MCF2L: variants seen among roughly 807,000 people sequenced by gnomAD.
MCF2L encodes MCF.2 cell line derived transforming sequence like.
A neutral mutation model predicts 153.4 loss-of-function variants in MCF2L; 97 were observed. The ratio of observed to expected loss-of-function variants is 0.63; its 90% CI spans 0.54 to 0.75. The LOEUF is 0.75. Ranked by LOEUF, MCF2L falls within the 30% of genes least tolerant of loss-of-function variation. The pLI, the probability that MCF2L is intolerant of heterozygous loss-of-function variation, is 0.00. For synonymous variants in MCF2L, 659 were observed against 632.2 expected (o/e 1.04, Z -0.64); for missense variants, 1,347 against 1,495.2 (o/e 0.90, Z 1.64).
intron 2 of MCF2L, among the ~76,000 whole-genome samples, chr13:112,916,406 C>T (rs142612275): frequency 6.6e-6 from 1 of 152,156 alleles, no homozygotes; most frequent in African/African-American, 2.4e-5. Flanking sequence ...TTTAGAAAAT[C>T]TTCTGAGCTC....
intron 4 of MCF2L, chr13:113,047,423 A>G (rs1304702677): frequency 6.6e-6 from 1 of 152,240 alleles, no homozygotes; most frequent in Admixed American, 6.5e-5. Flanking sequence ...ATTAAATCAT[A>G]AGAACCCACG....
chr13:112,968,613 G>A, upstream of MCF2L: 1 of 1,530,536 alleles, frequency 6.5e-7, no homozygotes. Flanking sequence ...CCACGGACCT[G>A]CTTACCTGGG....
rs375866362 is a variant in MCF2L at position 113,074,674 on chromosome 13, C to T, written c.1116+111C>T. 55 of 1,473,036 alleles carry T rather than the reference C, an allele frequency of 3.7e-5. No homozygotes were observed. In the South Asian group the frequency reaches 7.0e-4, roughly 19 times the overall value. 91.2% of individuals were successfully genotyped at this position (1,473,036 alleles called of 1,614,324 possible). A position where few individuals can be genotyped will look rare whatever the true frequency, so the allele number is the denominator to read the frequency against. The stretch of plus-strand genomic sequence containing the variant: ...CGCCTACGGAGAACGGACCCCACAG[C>T]CCCCCGGGGATGTCCATGGGGTGGG... On this transcript the variant is annotated intron_variant, in intron 10 of 29. Transcript: ENST00000535094. This position sits in a 1 kb window ranked among gnomAD's most constrained non-coding sequence, Gnocchi z 4.2.
chr13:113,095,975 G>A, intron 27 of MCF2L: 1 of 390,922 alleles, frequency 2.6e-6, no homozygotes, highest in Non-Finnish European at 4.3e-6. Context: ...CAGCTGCAGG[G>A]AGAGGGAGGG....
At chr13:113,085,685 G>A (rs1253971233) in intron 20 of MCF2L, among the ~76,000 whole-genome samples, 1 of 144,900 alleles carries the variant, frequency 6.9e-6, no homozygotes, top group Non-Finnish European at 1.5e-5. Context: ...CGGGGAGCAG[G>A]TGCGAGGGGT....
At chr13:113,089,897 G>C (rs1595017735) in intron 26 of MCF2L, 169 bp downstream of exon 26, 3 of 1,606,450 alleles carry the variant, frequency 1.9e-6, no homozygotes, top group Admixed American at 1.7e-5. Flanking sequence ...CCACAGAAGA[G>C]CCCCTCCCTC....
Position 113,027,848 on chromosome 13 carries a change from G to A in MCF2L, c.278+3090G>A, listed in dbSNP as rs149755098. Reference sequence around the variant, plus strand: ...GCCCGAAGGCTCAGACCACATGGCCGTACCCCGAGGACGTAGGCTCCAGGT... The same window carrying A: ...GCCCGAAGGCTCAGACCACATGGCCATACCCCGAGGACGTAGGCTCCAGGT... On this transcript the variant is annotated intron_variant, in intron 3 of 29. Transcript: ENST00000535094. The surrounding 1 kb of genome is among the most constrained non-coding windows in gnomAD (Gnocchi z 4.8). Among the ~76,000 whole-genome samples the A allele has an allele frequency of 6.9e-4, 105 of 152,362 alleles. No individual in the cohort carries two copies. In the East Asian group the frequency reaches 0.015, roughly 22 times the overall value.
In MCF2L at chr13:112,994,660, G is replaced by A. The variant is rs144742157; in HGVS notation, c.80-20103G>A. Among the ~76,000 whole-genome samples, 798 of 152,362 alleles carry A rather than the reference G, an allele frequency of 5.2e-3. 1 individual carries two copies. Among genetic ancestry groups the A allele is most frequent in the Non-Finnish European group, 8.0e-3 (545 of 68,032 alleles). ...GCCGGGAAGCCTGCGGTGAGGCCGC[G>A]CGATGTCCTTCATCCCGGGCAGTAA... On this transcript the variant is annotated intron_variant, in intron 1 of 29. Coordinates refer to ENST00000535094, the MANE Select transcript of MCF2L (RefSeq NM_001112732.3).
chr13:112,981,641 C>T (rs2082430561), intron 1 of MCF2L, among the ~76,000 whole-genome samples: 1 of 152,238 alleles, frequency 6.6e-6, no homozygotes, highest in Non-Finnish European at 1.5e-5. Context: ...GGCCTGCGAG[C>T]CTGAGACCGG....
intron 2 of MCF2L, among the ~76,000 whole-genome samples, chr13:113,023,222 G>A (rs1363770198): frequency 6.6e-6 from 1 of 152,244 alleles, no homozygotes; most frequent in South Asian, 2.1e-4. Flanking sequence ...AGGTTAGGAA[G>A]GAGCGAGGGA....
At chr13:112,948,700 C>G (rs1430895510) in intron 2 of MCF2L, among the ~76,000 whole-genome samples, 1 of 152,176 alleles carries the variant, frequency 6.6e-6, no homozygotes, top group African/African-American at 2.4e-5. Flanking sequence ...GTCTACCTCT[C>G]TAGAAAATGA....
intron 4 of MCF2L, among the ~76,000 whole-genome samples, chr13:113,056,501 G>A (rs1178683685): frequency 2.7e-5 from 4 of 146,580 alleles, no homozygotes; most frequent in Admixed American, 1.4e-4. Flanking sequence ...TGAGTGTTTC[G>A]GCGCTGAGTG....
Position 113,089,530 on chromosome 13 carries a change from A to G in MCF2L, c.2835-80A>G, listed in dbSNP as rs2034992758. ...AGGCCGGGAGCTCAGAGATATCTGAATGCCTCAGGTCCTCAGGGCGTTCTG... is the reference window on the plus strand; with the variant it reads ...AGGCCGGGAGCTCAGAGATATCTGAGTGCCTCAGGTCCTCAGGGCGTTCTG... On this transcript the variant is annotated intron_variant, in intron 25 of 29. Transcript: ENST00000535094. 1.8e-5 allele frequency: 16 copies of G among 878,484 alleles called. No homozygotes were observed. In the South Asian group the frequency reaches 2.3e-4, roughly 13 times the overall value. 54.4% of individuals were successfully genotyped at this position (878,484 alleles called of 1,614,324 possible).
intron 2 of MCF2L, among the ~76,000 whole-genome samples, chr13:112,950,759 A>G (rs915664341): frequency 9.2e-5 from 14 of 152,370 alleles, no homozygotes; most frequent in Admixed American, 2.6e-4. Context: ...TTAAACATGA[A>G]ATATAAAACT....
At position 113,054,095 on chromosome 13, in the gene MCF2L, G is replaced by A. The variant is rs113941635; in HGVS notation, c.370-6498G>A. On this transcript the variant is annotated intron_variant, in intron 4 of 29. Coordinates refer to ENST00000535094, the MANE Select transcript of MCF2L (RefSeq NM_001112732.3). This position sits in a 1 kb window ranked among gnomAD's most constrained non-coding sequence, Gnocchi z 5.2. Reference sequence around the variant, plus strand: ...GCGGGGTGAGTGTGGGAGAGACGGCGAGCTCCCTCCCATCAATCAATCAAC... The same window carrying A: ...GCGGGGTGAGTGTGGGAGAGACGGCAAGCTCCCTCCCATCAATCAATCAAC... 1.1e-3 allele frequency among the ~76,000 whole-genome samples: 168 copies of A among 152,162 alleles called. No homozygotes were observed. Among genetic ancestry groups the A allele is most frequent in the African/African-American group, 3.4e-3 (142 of 41,492 alleles).
At chr13:112,921,491 C>G (rs181227862) in intron 2 of MCF2L, among the ~76,000 whole-genome samples, 1 of 152,290 alleles carries the variant, frequency 6.6e-6, no homozygotes, top group Non-Finnish European at 1.5e-5. Flanking sequence ...AGGAACCAAA[C>G]GACCTCCCAC....
At chr13:112,981,682 C>G (rs1178344906) in intron 1 of MCF2L, among the ~76,000 whole-genome samples, 1 of 152,230 alleles carries the variant, frequency 6.6e-6, no homozygotes. Context: ...GGGTCCACAC[C>G]CCGAGGCACA....
At chr13:113,001,646 C>G in intron 1 of MCF2L, 2 of 1,298,822 alleles carry the variant, frequency 1.5e-6, no homozygotes, top group Non-Finnish European at 2.0e-6. Flanking sequence ...CGGGGCTCAG[C>G]TGTCGCCAGG....
chr13:113,024,597 G>A, intron 2 of MCF2L, 47 bp from the exon 3 acceptor site: 1 of 1,287,958 alleles, frequency 7.8e-7, no homozygotes, highest in South Asian at 1.2e-5. Context: ...GGAACCCCCG[G>A]GGGCATGGAG....
Sources: allele counts gnomAD v4.1 joint callset (sites outside exome capture counted in the v4.1 genomes callset), GRCh38; gene constraint gnomAD v4.1.1; non-coding constraint Gnocchi (gnomAD v3.1); transcripts MANE v1.5; gene names NCBI Gene and HGNC (gene_info 2026-07-23, HGNC 2026-07-21).